Variants in PCDHGA2 observed in about 807,000 individuals in gnomAD.
PCDHGA2 encodes protocadherin gamma subfamily A, 2.
A neutral mutation model predicts 59.2 loss-of-function variants in PCDHGA2; 40 were observed. The ratio of observed to expected loss-of-function variants is 0.68; its 90% confidence interval spans 0.52 to 0.88. PCDHGA2 has a LOEUF of 0.88. Among genes scored for constraint, PCDHGA2 ranks in the 40% least tolerant of loss-of-function variants. The pLI is 0.00. For missense variants in PCDHGA2, 1,226 were observed against 1,204.0 expected (o/e 1.02, Z -0.27); for synonymous variants, 560 against 526.0 (o/e 1.06, Z -0.89).
At chr5:141,436,676 G>T (rs1019010328) in intron 1 of PCDHGA2, among the ~76,000 whole-genome samples, 1 of 152,238 alleles carries the variant, frequency 6.6e-6, no homozygotes, top group African/African-American at 2.4e-5. Flanking sequence ...ACCAAAAAAA[G>T]GATTTATATT....
chr5:141,477,268 C>T lies in PCDHGA2; in HGVS notation c.2425-17539C>T. ...TGACTGACCTGGATGCTGGCGAGAA[C>T]GGGCTGGTGACCTGCGAAGTTCCAC... On this transcript the variant is annotated intron_variant, in intron 1 of 3. Transcript: ENST00000394576. The surrounding 1 kb of genome is among the most constrained non-coding windows in gnomAD (Gnocchi z 4.9). The T allele has an allele frequency of 6.2e-7, 1 of 1,614,196 alleles. No individual in the cohort carries two copies. The highest frequency in any genetic ancestry group is 8.5e-7 in the Non-Finnish European group (1 of 1,180,030).
intron 1 of PCDHGA2, chr5:141,366,971 C>A: frequency 1.7e-6 from 1 of 573,096 alleles, no homozygotes; most frequent in Non-Finnish European, 2.8e-6. Flanking sequence ...GAAACAAATA[C>A]CTTAAAGGAA....
chr5:141,511,450 C>A lies in PCDHGA2; in HGVS notation c.*277C>A. Reference sequence around the variant, plus strand: ...TGGGGTTACTGTAGACACCAAGAACCATTTGCCACACCCCGTTTAGTTACA... The same window carrying A: ...TGGGGTTACTGTAGACACCAAGAACAATTTGCCACACCCCGTTTAGTTACA... On this transcript the variant is annotated 3_prime_UTR_variant, in exon 4 of 4. Transcript: ENST00000394576. The A allele has an allele frequency of 3.3e-6, 2 of 615,088 alleles. No homozygotes were observed. The highest frequency in any genetic ancestry group is 6.8e-5 in the East Asian group (2 of 29,272). The allele number at this position is 615,088 out of a possible 1,614,324, so 38.1% of individuals were successfully genotyped here.
At chr5:141,350,316 T>C in intron 1 of PCDHGA2, 1 of 1,527,202 alleles carries the variant, frequency 6.5e-7, no homozygotes. Context: ...TTTCCCTTCC[T>C]GCTGTCTTTG....
chr5:141,346,396 G>A (rs201078369), intron 1 of PCDHGA2: 1 of 1,614,262 alleles, frequency 6.2e-7, no homozygotes, highest in Admixed American at 1.7e-5. Context: ...TGTGAGAAAA[G>A]CGAGCCTCTT....
intron 1 of PCDHGA2, chr5:141,399,389 C>G: frequency 1.2e-6 from 2 of 1,614,024 alleles, no homozygotes; most frequent in East Asian, 2.2e-5. Flanking sequence ...ATCACAGCCA[C>G]AGACAGGGGC....
Position 141,511,225 on chromosome 5 carries a change from C to T in PCDHGA2, c.*52C>T, listed in dbSNP as rs2099883678. On this transcript the variant is annotated 3_prime_UTR_variant, in exon 4 of 4. Transcript: ENST00000394576. Reference sequence around the variant, plus strand: ...GGCGGCCTCTCCCCAACCAGCCCAGCTTCTCCTTACCTGCACCCAGGCCTC... The same window carrying T: ...GGCGGCCTCTCCCCAACCAGCCCAGTTTCTCCTTACCTGCACCCAGGCCTC... 1.9e-6 allele frequency: 3 copies of T among 1,601,506 alleles called. No individual in the cohort carries two copies. Among genetic ancestry groups the T allele is most frequent in the Non-Finnish European group, 2.6e-6 (3 of 1,174,170 alleles).
Position 141,491,034 on chromosome 5 carries a change from T to C in PCDHGA2, c.2425-3773T>C, listed in dbSNP as rs375902824. On this transcript the variant is annotated intron_variant, in intron 1 of 3. Coordinates refer to ENST00000394576, the MANE Select transcript of PCDHGA2 (RefSeq NM_018915.4). The surrounding 1 kb of genome is among the most constrained non-coding windows in gnomAD (Gnocchi z 6.9). The stretch of plus-strand genomic sequence containing the variant: ...CCAAGGTGACAGCCGTGGATGCTGA[T>C]GCAGGCCACAATGCGTGGCTCTCCT... 19 of 1,614,170 alleles carry C rather than the reference T, an allele frequency of 1.2e-5. No homozygotes were observed. Among genetic ancestry groups the C allele is most frequent in the East Asian group, 4.5e-5 (2 of 44,894 alleles).
At chr5:141,352,651 C>T (rs1444773871) in intron 1 of PCDHGA2, 3 of 1,602,436 alleles carry the variant, frequency 1.9e-6, no homozygotes, top group Non-Finnish European at 2.6e-6. Flanking sequence ...TCGCTTATGA[C>T]CCTTCTTTGT....
intron 1 of PCDHGA2, chr5:141,383,374 G>T: frequency 6.2e-7 from 1 of 1,614,028 alleles, no homozygotes. Context: ...CGAGGCTGGG[G>T]ATCCAGATGT....
chr5:141,372,851 T>C lies in PCDHGA2; in HGVS notation c.2424+31456T>C, dbSNP rs756598936. 24 of 1,459,588 alleles carry C rather than the reference T, an allele frequency of 1.6e-5. No individual in the cohort carries two copies. The South Asian group carries it at 3.2e-4, about 19-fold the overall frequency. The allele number at this position is 1,459,588 out of a possible 1,614,324, so 90.4% of individuals were successfully genotyped here. A position where few individuals can be genotyped will look rare whatever the true frequency, so the allele number is the denominator to read the frequency against. ...CTTTCCTTCCATAAATATAATTGGG[T>C]TTCAATTCATTGATTTAGAGATAAA... On this transcript the variant is annotated intron_variant, in intron 1 of 3. Coordinates refer to ENST00000394576, the MANE Select transcript of PCDHGA2 (RefSeq NM_018915.4).
At chr5:141,393,914 C>T (rs765664879) in intron 1 of PCDHGA2, 2 of 1,613,932 alleles carry the variant, frequency 1.2e-6, no homozygotes, top group South Asian at 2.2e-5. Flanking sequence ...CAGTAATTGC[C>T]TTCTTGAGTG....
chr5:141,417,884 C>A, intron 1 of PCDHGA2: 2 of 1,561,600 alleles, frequency 1.3e-6, no homozygotes, highest in East Asian at 2.4e-5. Flanking sequence ...CGCGCAGAGG[C>A]GCCGGGCCGG....
chr5:141,378,325 C>A (rs1344220335), intron 1 of PCDHGA2: 3 of 152,200 alleles, frequency 2.0e-5, no homozygotes, highest in African/African-American at 7.2e-5. Flanking sequence ...GAGTTCGAGA[C>A]CAGCCTGACC....
chr5:141,413,135 T>TGTCC (rs767378713), intron 1 of PCDHGA2: 1 of 1,545,632 alleles, frequency 6.5e-7, no homozygotes, highest in Non-Finnish European at 8.7e-7. Context: ...ACACACAACG[T>TGTCC]GTCCAGTGAG....
chr5:141,350,078 T>G (rs1262887949), intron 1 of PCDHGA2: 5 of 437,494 alleles, frequency 1.1e-5, no homozygotes, highest in Non-Finnish European at 2.0e-5. Flanking sequence ...TTCTCAATTC[T>G]GCAGGAGCGT....
chr5:141,388,868 A>G lies in PCDHGA2; in HGVS notation c.2424+47473A>G, dbSNP rs138074064. On this transcript the variant is annotated intron_variant, in intron 1 of 3. Transcript: ENST00000394576. The stretch of plus-strand genomic sequence containing the variant: ...GGGACGGTGGAGGAATGATTGCGCA[A>G]TGCACAGTGGAGGTAGAAGTCATAG... 208 of 1,613,992 alleles carry G rather than the reference A, an allele frequency of 1.3e-4. 2 individuals are homozygous for G. In the African/African-American group the frequency reaches 2.5e-3, roughly 19 times the overall value.
At chr5:141,389,957 G>C in intron 1 of PCDHGA2, 2 of 1,614,080 alleles carry the variant, frequency 1.2e-6, no homozygotes, top group Non-Finnish European at 1.7e-6. Flanking sequence ...TTTACCTAGT[G>C]GTGGCCTTGG....
chr5:141,409,639 G>A, intron 1 of PCDHGA2: 1 of 1,613,760 alleles, frequency 6.2e-7, no homozygotes, highest in Non-Finnish European at 8.5e-7. Flanking sequence ...CCTCTGACCC[G>A]GATTTGGGGC....
Sources: gnomAD v4.1 joint callset for allele counts (sites outside exome capture counted in the v4.1 genomes callset) on GRCh38, gnomAD v4.1.1 for gene constraint, Gnocchi (gnomAD v3.1) non-coding constraint, MANE v1.5 for transcripts, NCBI Gene and HGNC (gene_info 2026-07-23, HGNC 2026-07-21) for gene names.